PALM2AKAP2: variants seen among roughly 807,000 people sequenced by gnomAD.
PALM2AKAP2 encodes PALM2 and AKAP2 fusion, also known as PALM2-AKAP2 fusion protein.
PALM2AKAP2 carries 37 observed loss-of-function variants against 71.5 expected under a neutral mutation model. That is an observed-to-expected ratio of 0.52 (90% CI 0.40 to 0.68). The LOEUF (loss-of-function observed/expected upper bound fraction) is 0.68, where lower values mean the gene tolerates loss of function less well. PALM2AKAP2 is among the 30% of genes least tolerant of loss of function. The pLI, the probability that PALM2AKAP2 is intolerant of heterozygous loss-of-function variation, is 0.00. For missense variants in PALM2AKAP2, 1,224 were observed against 1,191.8 expected, an observed-to-expected ratio of 1.03 and a Z score of -0.40; for synonymous variants, 468 against 478.8, an observed-to-expected ratio of 0.98 and a Z score of 0.29.
intron 1 of PALM2AKAP2, among the ~76,000 whole-genome samples, chr9:109,753,215 C>T (rs1828910578): frequency 1.3e-5 from 2 of 152,208 alleles, no homozygotes; most frequent in South Asian, 4.2e-4. Context: ...AGGAGAAATT[C>T]GGAAGTTCCC....
intron 6 of PALM2AKAP2, among the ~76,000 whole-genome samples, chr9:110,008,336 G>A (rs1832820386): frequency 6.6e-6 from 1 of 152,226 alleles, no homozygotes; most frequent in Middle Eastern, 3.4e-3. Flanking sequence ...AGTGGAAACA[G>A]AGAGTGGCCC....
intron 1 of PALM2AKAP2, among the ~76,000 whole-genome samples, chr9:109,771,789 A>G (rs1263392680): frequency 1.3e-5 from 2 of 152,172 alleles, no homozygotes; most frequent in African/African-American, 4.8e-5. Context: ...ATGAAGGACC[A>G]ACAGGAGGCA....
chr9:109,806,946 A>T (rs1442596867), intron 1 of PALM2AKAP2, among the ~76,000 whole-genome samples: 1 of 152,174 alleles, frequency 6.6e-6, no homozygotes, highest in African/African-American at 2.4e-5. Context: ...ACTCTGGCTG[A>T]TGTGGTGAGC....
chr9:109,950,253 A>G (rs1137588), intron 6 of PALM2AKAP2, among the ~76,000 whole-genome samples: 50,730 of 151,374 alleles, frequency 0.34, 9,184 homozygotes, highest in East Asian at 0.69. Flanking sequence ...AGATCTCACC[A>G]CTCCATTCCA....
At chr9:110,094,362 C>G (rs1834784888) in intron 1 of PALM2AKAP2, among the ~76,000 whole-genome samples, 1 of 152,156 alleles carries the variant, frequency 6.6e-6, no homozygotes, top group African/African-American at 2.4e-5. Context: ...GCTAGGTAGC[C>G]TTAAACTTGA....
intron 6 of PALM2AKAP2, among the ~76,000 whole-genome samples, chr9:110,000,805 T>C (rs1720221302): frequency 6.6e-6 from 1 of 152,258 alleles, no homozygotes; most frequent in African/African-American, 2.4e-5. Flanking sequence ...GCTGCATAAA[T>C]GTCTCCTTTT....
intron 1 of PALM2AKAP2, among the ~76,000 whole-genome samples, chr9:109,807,037 A>T (rs72753030): frequency 8.5e-5 from 13 of 152,274 alleles, no homozygotes; most frequent in African/African-American, 3.1e-4. Flanking sequence ...GGGAAAAGAG[A>T]TACATGTGGG....
intron 1 of PALM2AKAP2, among the ~76,000 whole-genome samples, chr9:109,866,704 CTTA>C (rs1156270828): frequency 1.3e-5 from 2 of 152,192 alleles, no homozygotes; most frequent in African/African-American, 2.4e-5. Flanking sequence ...GTTACATCAT[CTTA>C]TTTAATCCAC....
At chr9:109,862,424 G>A (rs1168189335) in intron 1 of PALM2AKAP2, among the ~76,000 whole-genome samples, 1 of 152,096 alleles carries the variant, frequency 6.6e-6, no homozygotes, top group Non-Finnish European at 1.5e-5. Flanking sequence ...CAATGTAGAT[G>A]CATTTCTTTT....
intron 6 of PALM2AKAP2, among the ~76,000 whole-genome samples, chr9:109,981,945 G>A (rs548465620): frequency 6.6e-6 from 1 of 152,240 alleles, no homozygotes; most frequent in African/African-American, 2.4e-5. Context: ...TCCCACTGAT[G>A]GGTATATACC....
intron 3 of PALM2AKAP2, among the ~76,000 whole-genome samples, chr9:109,915,977 A>G (rs902642807): frequency 1.3e-5 from 2 of 151,756 alleles, no homozygotes; most frequent in African/African-American, 4.8e-5. Context: ...GGAATCTTGC[A>G]CTGTCGCCCA....
chr9:110,063,439 A>G (rs78628987), intron 1 of PALM2AKAP2, among the ~76,000 whole-genome samples: 3 of 131,230 alleles, frequency 2.3e-5, no homozygotes, highest in Non-Finnish European at 4.9e-5. Context: ...CCAAATTTCT[A>G]TTTTTTTTTT....
intron 2 of PALM2AKAP2, among the ~76,000 whole-genome samples, chr9:110,147,885 TC>T (rs1380079757): frequency 6.6e-6 from 1 of 152,240 alleles, no homozygotes; most frequent in Non-Finnish European, 1.5e-5. Context: ...TGCTTTCTAT[TC>T]CTAGCTGGGA....
intron 1 of PALM2AKAP2, among the ~76,000 whole-genome samples, chr9:110,073,227 G>A (rs1157608366): frequency 6.6e-6 from 1 of 152,188 alleles, no homozygotes. Flanking sequence ...TTTGTTCTGA[G>A]CAAGAATGCG....
At chr9:109,704,398 T>C (rs925658366) in intron 1 of PALM2AKAP2, among the ~76,000 whole-genome samples, 12 of 152,210 alleles carry the variant, frequency 7.9e-5, no homozygotes, top group African/African-American at 2.9e-4. Flanking sequence ...TAAATTCACT[T>C]GTATAAATGT....
At chr9:109,794,596 G>A (rs1827200671) in intron 1 of PALM2AKAP2, among the ~76,000 whole-genome samples, 3 of 152,046 alleles carry the variant, frequency 2.0e-5, no homozygotes, top group Non-Finnish European at 4.4e-5. Flanking sequence ...GGAACCCTTG[G>A]GACCAGGGCC....
chr9:109,848,602 C>T (rs777294032), intron 1 of PALM2AKAP2, among the ~76,000 whole-genome samples: 13 of 151,954 alleles, frequency 8.6e-5, no homozygotes, highest in Non-Finnish European at 1.8e-4. Flanking sequence ...CAGCCTGGGC[C>T]GTGCCCATTC....
chr9:109,830,437 C>A (rs917036206), intron 1 of PALM2AKAP2, among the ~76,000 whole-genome samples: 1 of 152,080 alleles, frequency 6.6e-6, no homozygotes, highest in African/African-American at 2.4e-5. Context: ...AATGTTTGAT[C>A]AACAAAACAC....
intron 1 of PALM2AKAP2, among the ~76,000 whole-genome samples, chr9:109,728,731 AT>A (rs887977626): frequency 1.3e-5 from 2 of 151,878 alleles, no homozygotes; most frequent in Non-Finnish European, 1.5e-5. Context: ...AATAGTTCAA[AT>A]TTTTTTTATT....
Sources: allele counts gnomAD v4.1 joint callset (sites outside exome capture counted in the v4.1 genomes callset), GRCh38; gene constraint gnomAD v4.1.1; transcripts MANE v1.5; gene names NCBI Gene and HGNC (gene_info 2026-07-23, HGNC 2026-07-21).